The following SLC39A11 variants were observed in gnomAD, a reference collection of about 807,000 sequenced individuals.
SLC39A11 encodes the protein zinc transporter ZIP11.
In SLC39A11, 33 loss-of-function variants were observed where a neutral mutation model predicts 36.1. The observed-to-expected ratio is 0.91, with a 90% CI of 0.69 to 1.22. The LOEUF (loss-of-function observed/expected upper bound fraction) is 1.22, where lower values mean the gene tolerates loss of function less well. Ranked by LOEUF, SLC39A11 falls within the 50% of genes most tolerant of loss-of-function variation. The pLI is 0.00. For synonymous variants in SLC39A11, 166 were observed against 170.3 expected, an observed-to-expected ratio of 0.97 and a Z score of 0.20; for missense variants, 432 against 430.3, an observed-to-expected ratio of 1.00 and a Z score of -0.03.
intron 3 of SLC39A11, among the ~76,000 whole-genome samples, chr17:73,045,386 TAAAAAAAAAAAAAAA>T (rs374832995): frequency 2.4e-5 from 1 of 41,704 alleles, no homozygotes; most frequent in African/African-American, 1.1e-4. Context: ...AAAACAGAGT[TAAAAAAAAAAAAAAA>T]AAAAAAAAAA....
intron 7 of SLC39A11, among the ~76,000 whole-genome samples, chr17:72,652,205 G>T (rs2069885132): frequency 6.6e-6 from 1 of 152,228 alleles, no homozygotes; most frequent in Non-Finnish European, 1.5e-5. Context: ...CCCATGGGCT[G>T]CAGTTTGCTG....
chr17:72,776,981 A>T (rs751358096), intron 6 of SLC39A11, among the ~76,000 whole-genome samples: 1 of 151,988 alleles, frequency 6.6e-6, no homozygotes, highest in Non-Finnish European at 1.5e-5. Flanking sequence ...TTTTCATCTC[A>T]TAAGAGGGGG....
intron 5 of SLC39A11, among the ~76,000 whole-genome samples, chr17:72,907,310 T>G (rs1567928143): frequency 6.6e-6 from 1 of 152,126 alleles, no homozygotes; most frequent in Non-Finnish European, 1.5e-5. Flanking sequence ...GCCAACATGA[T>G]GAAACCCTGT....
At chr17:73,031,924 G>C (rs923398783) in intron 3 of SLC39A11, among the ~76,000 whole-genome samples, 1 of 152,144 alleles carries the variant, frequency 6.6e-6, no homozygotes, top group African/African-American at 2.4e-5. Context: ...TTTTGGGTAG[G>C]ATAGAGTTGA....
At chr17:72,934,057 C>T (rs2084592736) in intron 5 of SLC39A11, among the ~76,000 whole-genome samples, 1 of 151,582 alleles carries the variant, frequency 6.6e-6, no homozygotes, top group Admixed American at 6.6e-5. Context: ...ACCTTGAACT[C>T]TACCTGACAC....
rs143149909 is a variant in SLC39A11 at position 72,896,596 on chromosome 17, A to G, written c.431-46792T>C. On this transcript the variant is annotated intron_variant, in intron 5 of 9. Transcript: ENST00000255559. ...AGAAAGACCAAGGCTGTTCTTCCTC[A>G]AAGAGTTCACAGAGGGGGATGCACA... 3.3e-5 allele frequency among the ~76,000 whole-genome samples: 5 copies of G among 152,300 alleles called. No homozygotes were observed. In the East Asian group the frequency reaches 9.6e-4, roughly 29 times the overall value.
chr17:73,040,337 G>C (rs34675354), intron 3 of SLC39A11, among the ~76,000 whole-genome samples: 21,602 of 152,226 alleles, frequency 0.14, 1,858 homozygotes, highest in Middle Eastern at 0.21. Context: ...AAAACATACA[G>C]ATGTTATACT....
chr17:72,866,069 A>C (rs905902692), intron 5 of SLC39A11, among the ~76,000 whole-genome samples: 1 of 152,194 alleles, frequency 6.6e-6, no homozygotes, highest in Non-Finnish European at 1.5e-5. Context: ...GCCTGTTAGG[A>C]ACCAGGCTGC....
intron 7 of SLC39A11, among the ~76,000 whole-genome samples, chr17:72,653,629 G>C (rs749763580): frequency 5.3e-5 from 8 of 151,756 alleles, no homozygotes; most frequent in Non-Finnish European, 1.2e-4. Context: ...TAGTAGAGAT[G>C]GGGTTTTACC....
At chr17:72,966,643 C>A (rs1375366071) in intron 4 of SLC39A11, among the ~76,000 whole-genome samples, 1 of 152,148 alleles carries the variant, frequency 6.6e-6, no homozygotes, top group Non-Finnish European at 1.5e-5. Flanking sequence ...GATCTCTGCT[C>A]ACTGCAAGCT....
At chr17:72,671,360 T>G (rs1171993107) in intron 7 of SLC39A11, among the ~76,000 whole-genome samples, 1 of 152,184 alleles carries the variant, frequency 6.6e-6, no homozygotes, top group African/African-American at 2.4e-5. Context: ...TTATAATCTT[T>G]TTTGCTTATT....
chr17:72,750,600 T>C (rs1221773587), intron 6 of SLC39A11, among the ~76,000 whole-genome samples: 1 of 152,036 alleles, frequency 6.6e-6, no homozygotes, highest in African/African-American at 2.4e-5. Flanking sequence ...TACAGGTTCA[T>C]TTATCACTCC....
chr17:72,718,062 T>G (rs987244255), intron 7 of SLC39A11, among the ~76,000 whole-genome samples: 3 of 152,248 alleles, frequency 2.0e-5, no homozygotes, highest in Non-Finnish European at 4.4e-5. Flanking sequence ...TGCTTCCAGT[T>G]AACACCGAAT....
intron 5 of SLC39A11, among the ~76,000 whole-genome samples, chr17:72,921,807 T>C (rs190303785): frequency 5.9e-4 from 90 of 152,340 alleles, no homozygotes; most frequent in Middle Eastern, 6.8e-3. Flanking sequence ...GACACAGCGT[T>C]ATTTTATGCA....
chr17:72,827,459 A>G (rs1367716471), intron 6 of SLC39A11, among the ~76,000 whole-genome samples: 2 of 152,216 alleles, frequency 1.3e-5, no homozygotes, highest in East Asian at 3.8e-4. Flanking sequence ...AAAAATCATT[A>G]AACTGTACAC....
At chr17:73,048,769 T>C (rs1383317787) in intron 3 of SLC39A11, among the ~76,000 whole-genome samples, 1 of 152,192 alleles carries the variant, frequency 6.6e-6, no homozygotes, top group Non-Finnish European at 1.5e-5. Flanking sequence ...TACAAGCGGA[T>C]ACTACGTATG....
intron 6 of SLC39A11, among the ~76,000 whole-genome samples, chr17:72,804,223 C>G (rs2077182995): frequency 6.6e-6 from 1 of 152,164 alleles, no homozygotes; most frequent in Non-Finnish European, 1.5e-5. Flanking sequence ...TAAACACTAT[C>G]TTGATGCATT....
rs138249406 is a variant in SLC39A11, at chr17:73,005,170, G to T, written c.306+26386C>A. On this transcript the variant is annotated intron_variant, in intron 4 of 9. Transcript: ENST00000255559. ...TTTTGTATTTTTTGGTAGAGAAGAGGTTTCACCGTATTGGCCAGGCTAGTC... is the reference window on the plus strand; with the variant it reads ...TTTTGTATTTTTTGGTAGAGAAGAGTTTTCACCGTATTGGCCAGGCTAGTC... 2.0e-5 allele frequency among the ~76,000 whole-genome samples: 3 copies of T among 152,202 alleles called. No homozygotes were observed. In the East Asian group the frequency reaches 5.8e-4, roughly 29 times the overall value.
intron 3 of SLC39A11, 53 bp from the exon 4 acceptor site, chr17:73,031,767 C>A: frequency 6.3e-7 from 1 of 1,581,986 alleles, no homozygotes; most frequent in South Asian, 1.1e-5. Flanking sequence ...GAAGGCTTTC[C>A]AGGCAGGACC....
Sources: allele counts gnomAD v4.1 joint callset (sites outside exome capture counted in the v4.1 genomes callset), GRCh38; gene constraint gnomAD v4.1.1; transcripts MANE v1.5; gene names NCBI Gene and HGNC (gene_info 2026-07-23, HGNC 2026-07-21).